The following THSD4 variants were observed in gnomAD, a reference collection of about 807,000 sequenced individuals.
THSD4 encodes the protein thrombospondin type 1 domain containing 4.
A neutral mutation model predicts 119.0 loss-of-function variants in THSD4; 69 were observed. The ratio of observed to expected loss-of-function variants is 0.58; its 90% CI spans 0.48 to 0.71. The LOEUF (loss-of-function observed/expected upper bound fraction) is 0.71, where lower values mean the gene tolerates loss of function less well. Among genes scored for constraint, THSD4 ranks in the 30% least tolerant of loss-of-function variants. THSD4 has a pLI of 0.00. For synonymous variants in THSD4, 524 were observed against 540.4 expected (o/e 0.97, Z 0.42); for missense variants, 1,393 against 1,391.1 (o/e 1.00, Z -0.02).
intron 7 of THSD4, among the ~76,000 whole-genome samples, chr15:71,599,987 C>T (rs962093422): frequency 1.3e-5 from 2 of 152,204 alleles, no homozygotes; most frequent in Admixed American, 1.3e-4. Context: ...AACATCCAGG[C>T]GTGGTTAGTG....
intron 7 of THSD4, among the ~76,000 whole-genome samples, chr15:71,585,722 G>A (rs1039414130): frequency 6.6e-6 from 1 of 151,736 alleles, no homozygotes; most frequent in African/African-American, 2.4e-5. Flanking sequence ...GCATATATTG[G>A]TTCACTTGAT....
intron 7 of THSD4, among the ~76,000 whole-genome samples, chr15:71,540,763 C>A (rs1484803268): frequency 7.1e-6 from 1 of 140,588 alleles, no homozygotes; most frequent in Non-Finnish European, 1.5e-5. Flanking sequence ...GTCTCTGTCA[C>A]CCAGGCTGGA....
intron 5 of THSD4, among the ~76,000 whole-genome samples, chr15:71,247,128 C>T (rs1226087747): frequency 6.6e-6 from 1 of 152,074 alleles, no homozygotes; most frequent in African/African-American, 2.4e-5. Flanking sequence ...CAACTCCTGG[C>T]CTCAGGTGAT....
At chr15:71,688,649 A>ATTGTT (rs538442862) in intron 8 of THSD4, among the ~76,000 whole-genome samples, 57 of 142,984 alleles carry the variant, frequency 4.0e-4, no homozygotes, top group South Asian at 2.0e-3. Flanking sequence ...AATCATCTTC[A>ATTGTT]TTGTTTTGTT....
intron 6 of THSD4, among the ~76,000 whole-genome samples, chr15:71,378,341 C>T (rs918175244): frequency 6.6e-6 from 1 of 152,152 alleles, no homozygotes; most frequent in African/African-American, 2.4e-5. Context: ...GGAGAGCTCC[C>T]ACCAGATGAA....
At chr15:71,275,837 C>T (rs1338190703) in intron 6 of THSD4, among the ~76,000 whole-genome samples, 2 of 152,140 alleles carry the variant, frequency 1.3e-5, no homozygotes, top group African/African-American at 2.4e-5. Context: ...CTTACTGCCA[C>T]CGTGTGAGGA....
At chr15:71,601,869 C>T (rs1309911455) in intron 7 of THSD4, among the ~76,000 whole-genome samples, 3 of 152,214 alleles carry the variant, frequency 2.0e-5, no homozygotes, top group African/African-American at 7.2e-5. Flanking sequence ...CTAGAATAAA[C>T]ACAAGTTTGA....
At chr15:71,540,660 C>T (rs1281302559) in intron 7 of THSD4, among the ~76,000 whole-genome samples, 3 of 140,868 alleles carry the variant, frequency 2.1e-5, no homozygotes, top group African/African-American at 5.3e-5. Context: ...AACTCCTGAC[C>T]TCATGATCCA....
intron 17 of THSD4, among the ~76,000 whole-genome samples, chr15:71,775,158 T>A (rs568800489): frequency 5.9e-5 from 9 of 151,452 alleles, no homozygotes; most frequent in Admixed American, 5.9e-4. Context: ...AAAAAAAAAA[T>A]TAGAAGCAAT....
intron 7 of THSD4, chr15:71,549,527 T>C (rs1295185151): frequency 6.6e-6 from 1 of 152,204 alleles, no homozygotes; most frequent in African/African-American, 2.4e-5. Flanking sequence ...ATGTAGTTTA[T>C]ATAGAGCTTT....
intron 17 of THSD4, among the ~76,000 whole-genome samples, chr15:71,773,200 C>CAAAAAAAAAAAAAAAAAAAAAAA (rs5813665): frequency 3.7e-5 from 2 of 54,056 alleles, no homozygotes; most frequent in African/African-American, 1.4e-4. Flanking sequence ...GACCATGTCT[C>CAAAAAAAAAAAAAAAAAAAAAAA]AAAAAAAAAA....
At chr15:71,242,529 A>G (rs558196536) in intron 4 of THSD4, 120 bp from the exon 5 acceptor site, 116 of 1,077,194 alleles carry the variant, frequency 1.1e-4, no homozygotes, top group Middle Eastern at 2.3e-4. Context: ...CAGTTCTACC[A>G]TAGACCCTTT....
intron 7 of THSD4, among the ~76,000 whole-genome samples, chr15:71,590,361 A>T (rs1234480816): frequency 7.3e-6 from 1 of 137,830 alleles, no homozygotes; most frequent in Non-Finnish European, 1.6e-5. Context: ...GGAATAGGCC[A>T]TTCTCATTAT....
intron 6 of THSD4, among the ~76,000 whole-genome samples, chr15:71,384,615 A>G (rs916625490): frequency 3.3e-5 from 5 of 152,190 alleles, no homozygotes; most frequent in African/African-American, 4.8e-5. Flanking sequence ...AGTCTTTTAA[A>G]AGAGGCAATA....
At chr15:71,528,661 C>T (rs1042611891) in intron 7 of THSD4, among the ~76,000 whole-genome samples, 1 of 152,200 alleles carries the variant, frequency 6.6e-6, no homozygotes, top group African/African-American at 2.4e-5. Flanking sequence ...GTAAACACAA[C>T]CTCCCTCACT....
At chr15:71,513,623 A>T (rs2048313665) in intron 7 of THSD4, among the ~76,000 whole-genome samples, 1 of 152,160 alleles carries the variant, frequency 6.6e-6, no homozygotes, top group African/African-American at 2.4e-5. Context: ...CACATTGCTG[A>T]TGGGCGTGTA....
chr15:71,173,391 G>C (rs543772371), intron 3 of THSD4, among the ~76,000 whole-genome samples: 48 of 151,952 alleles, frequency 3.2e-4, no homozygotes, highest in Non-Finnish European at 5.7e-4. Context: ...TAAGTATAAA[G>C]ATATCCCATG....
At chr15:71,557,542 A>G (rs182279847) in intron 7 of THSD4, among the ~76,000 whole-genome samples, 124 of 152,266 alleles carry the variant, frequency 8.1e-4, no homozygotes, top group African/African-American at 2.8e-3. Flanking sequence ...ATTTTCTATA[A>G]TATAAAATTA....
chr15:71,187,881 A>C (rs1457189699), intron 3 of THSD4, among the ~76,000 whole-genome samples: 1 of 152,154 alleles, frequency 6.6e-6, no homozygotes, highest in African/African-American at 2.4e-5. Context: ...CACTGAATCA[A>C]CTCATGTTTA....
Sources: allele counts gnomAD v4.1 joint callset (sites outside exome capture counted in the v4.1 genomes callset), GRCh38; gene constraint gnomAD v4.1.1; transcripts MANE v1.5; gene names NCBI Gene and HGNC (gene_info 2026-07-23, HGNC 2026-07-21).